Variants in FOXD4 observed in about 807,000 individuals in gnomAD.
The protein encoded by FOXD4 is forkhead box D4, also known as forkhead box protein D4.
FOXD4 carries 22 observed loss-of-function variants against 26.5 expected under a neutral mutation model. That is an observed-to-expected ratio of 0.83 (90% confidence interval 0.59 to 1.18). FOXD4 has a LOEUF of 1.18. Among genes scored for constraint, FOXD4 ranks in the 50% most tolerant of loss-of-function variants. The pLI, the probability that FOXD4 is intolerant of heterozygous loss-of-function variation, is 0.00. For missense variants in FOXD4, 625 were observed against 605.8 expected, an observed-to-expected ratio of 1.03 and a Z score of -0.33; for synonymous variants, 258 against 273.7, an observed-to-expected ratio of 0.94 and a Z score of 0.57.
rs763686353 is a variant in FOXD4 at position 116,920 on chromosome 9, C to T, written c.1200G>A (p.Ala400=). The T allele has an allele frequency of 1.4e-5, 23 of 1,611,012 alleles. No homozygotes were observed. The highest frequency in any genetic ancestry group is 2.7e-5 in the African/African-American group (2 of 74,848). Residue 400 remains alanine (A), a synonymous_variant, in exon 1 of 1, where the codon GCG becomes GCA. Transcript: ENST00000382500. ...SAASALLRYQ[A]VAEGSGLTSL... The stretch of plus-strand genomic sequence containing the variant: ...ATGTCAGCCCAGAGCCCTCTGCCAC[C>T]GCCTGATACCGCAGCAGCGCCGACG...
Position 116,460 on chromosome 9 carries a change from A to C in FOXD4, c.*340T>G. On this transcript the variant is annotated 3_prime_UTR_variant, in exon 1 of 1. Transcript: ENST00000382500. ...GTTCCAAGGAAGTGAAGAAGGGGGA[A>C]CATGTTTGGCATCGGAGGCTGTGTT... The C allele has an allele frequency of 2.3e-6, 1 of 436,378 alleles. No homozygotes were observed. The allele number at this position is 436,378 out of a possible 1,614,324, so 27.0% of individuals were successfully genotyped here.
Position 116,431 on chromosome 9 carries a change from T to C in FOXD4, c.*369A>G. ...TTGCACTAGACTTAGGAATAATACT[T>C]CCAGTTCCAAGGAAGTGAAGAAGGG... On this transcript the variant is annotated 3_prime_UTR_variant, in exon 1 of 1. Coordinates refer to ENST00000382500, the MANE Select transcript of FOXD4 (RefSeq NM_207305.5). 1 of 373,472 alleles carries C rather than the reference T, an allele frequency of 2.7e-6. No individual in the cohort carries two copies. The highest frequency in any genetic ancestry group is 5.2e-6 in the Non-Finnish European group (1 of 193,908). The allele number at this position is 373,472 out of a possible 1,614,324, so 23.1% of individuals were successfully genotyped here.
chr9:118,147 G>T lies in FOXD4; in HGVS notation c.-28C>A, dbSNP rs916158267. ...CGGAGCAGGTGCTTCAGTCGCAGGG[G>T]ATGTGGCGGCCGGATCACCTGGCCC... is the stretch of plus-strand genomic sequence containing the variant. On this transcript the variant is annotated 5_prime_UTR_variant, in exon 1 of 1. Transcript: ENST00000382500. 1.9e-6 allele frequency: 3 copies of T among 1,605,686 alleles called. No homozygotes were observed. In the East Asian group the frequency reaches 6.8e-5, roughly 36 times the overall value.
rs201298466 is a variant in FOXD4, at chr9:117,125, T to G, written c.995A>C (p.Glu332Ala). 3.7e-4 allele frequency: 595 copies of G among 1,611,770 alleles called. 2 individuals carry two copies. In the South Asian group the frequency reaches 4.0e-3, roughly 11 times the overall value. ...AACTCTGCGCAGCCCCTGTACCCGC[T>G]CCCCTGACCCCTTGCATGATACTCT... ...ALRVSCKGSG[E>A]RVQGLRRVCP... is the part of the protein sequence containing the mutation. The change falls in exon 1 of 1, where the codon GAG becomes GCG. Residue 332 changes from glutamate to alanine, a missense_variant. This residue lies in a region of FOXD4 where 92 missense variants were observed against 144.2 expected (regional missense o/e 0.64). Coordinates refer to ENST00000382500, the MANE Select transcript of FOXD4 (RefSeq NM_207305.5).
chr9:118,332 G>A lies in FOXD4; in HGVS notation c.-213C>T. 1.1e-6 allele frequency: 1 copy of A among 938,830 alleles called. No individual in the cohort carries two copies. Among genetic ancestry groups the A allele is most frequent in the South Asian group, 1.7e-5 (1 of 57,876 alleles). 58.2% of individuals were successfully genotyped at this position (938,830 alleles called of 1,614,324 possible). A position where few individuals can be genotyped will look rare whatever the true frequency, so the allele number is the denominator to read the frequency against. ...TAAAAGCTTCTTCAAGACCATGTGT[G>A]GTGGACGCCTCCCTTTATAACCCTT... On this transcript the variant is annotated 5_prime_UTR_variant, in exon 1 of 1. Transcript: ENST00000382500.
In FOXD4 at chr9:117,655, G is replaced by A; in HGVS notation, c.465C>T (p.Asn155=). The A allele has an allele frequency of 6.2e-7, 1 of 1,613,760 alleles. No individual in the cohort carries two copies. The change falls in exon 1 of 1, where the codon AAC becomes AAT. Residue 155 remains asparagine (N), a synonymous_variant. Transcript: ENST00000382500. ...TGACGAAGCAGTCGTTCAGCGAGAG[G>A]TTGTGGCGGATGCTGTTCTGCCAGG... The part of the protein sequence containing the change: ...FPAWQNSIRH[N]LSLNDCFVKI...
rs774901632 is a variant in FOXD4 at position 116,964 on chromosome 9, C to T, written c.1156G>A (p.Gly386Ser). The change falls in exon 1 of 1, where the codon GGC becomes AGC. Residue 386 changes from glycine to serine, a missense_variant. Transcript: ENST00000382500. ...GCAPTKGAVLGGHLSAASALL... is the reference protein window; with the variant it reads ...GCAPTKGAVLSGHLSAASALL... Reference sequence around the variant, plus strand: ...GCCGACGCGGCCGACAGGTGCCCGCCCAGCACCGCGCCCTTGGTGGGAGCG... The same window carrying T: ...GCCGACGCGGCCGACAGGTGCCCGCTCAGCACCGCGCCCTTGGTGGGAGCG... 51 of 1,611,898 alleles carry T rather than the reference C, an allele frequency of 3.2e-5. No homozygotes were observed. The African/African-American group carries it at 5.2e-4, about 16-fold the overall frequency.
Position 117,593 on chromosome 9 carries a change from T to G in FOXD4, c.527A>C (p.Asn176Thr), listed in dbSNP as rs1328575580. 3 of 1,613,740 alleles carry G rather than the reference T, an allele frequency of 1.9e-6. No homozygotes were observed. Among genetic ancestry groups the G allele is most frequent in the South Asian group, 1.1e-5 (1 of 91,064 alleles). ...PREPGRPGKG[N>T]YWSLDPASQD... ...GGAGGCGGGGTCCAGGCTCCAGTAG[T>G]TGCCCTTGCCTGGGCGGCCCGGCTC... The change falls in exon 1 of 1, where the codon AAC becomes ACC. Residue 176 changes from asparagine to threonine, a missense_variant. Around this residue, in one of 3 missense-constraint regions of FOXD4, gnomAD observed 399 missense variants for 329.4 expected, o/e 1.21. Coordinates refer to ENST00000382500, the MANE Select transcript of FOXD4 (RefSeq NM_207305.5).
In FOXD4 at chr9:117,833, G is replaced by A. The variant is rs1819410851; in HGVS notation, c.287C>T (p.Ser96Phe). Residue 96 changes from serine (S) to phenylalanine (F), a missense_variant, in exon 1 of 1, where the codon TCT (serine) becomes TTT (phenylalanine). By Grantham distance (155) the Ser-to-Phe change is radical. This residue lies in a region of FOXD4 where 399 missense variants were observed against 329.4 expected (regional missense o/e 1.21). Transcript: ENST00000382500. Reference sequence around the variant, plus strand: ...CTTTGCCGGCTGCCGGGCATCTTCAGAGGCCGCCGCAGACCTTGGCGGTGC... The same window carrying A: ...CTTTGCCGGCTGCCGGGCATCTTCAAAGGCCGCCGCAGACCTTGGCGGTGC... ...FRAPPRSAAA[S>F]EDARQPAKPP... 1 of 1,612,478 alleles carries A rather than the reference G, an allele frequency of 6.2e-7. No individual in the cohort carries two copies. Among genetic ancestry groups the A allele is most frequent in the African/African-American group, 1.3e-5 (1 of 74,854 alleles).
rs1819366689 is a variant in FOXD4 at position 116,770 on chromosome 9, C to T, written c.*30G>A. The T allele has an allele frequency of 6.4e-7, 1 of 1,568,818 alleles. No individual in the cohort carries two copies. On this transcript the variant is annotated 3_prime_UTR_variant, in exon 1 of 1. Coordinates refer to ENST00000382500, the MANE Select transcript of FOXD4 (RefSeq NM_207305.5). ...GGGCCGCGCAAGGTGGAGTGAGCAG[C>T]TGCGGGTCGCTCCCCACTCCCACCT...
chr9:118,129 G>T lies in FOXD4; in HGVS notation c.-10C>A. 6.2e-7 allele frequency: 1 copy of T among 1,611,804 alleles called. No individual in the cohort carries two copies. The highest frequency in any genetic ancestry group is 1.3e-5 in the African/African-American group (1 of 74,928). On this transcript the variant is annotated 5_prime_UTR_variant, in exon 1 of 1. The change creates a new upstream start codon in the 5' untranslated region. Coordinates refer to ENST00000382500, the MANE Select transcript of FOXD4 (RefSeq NM_207305.5). ...CTCTTGGCAAGTTCATGGCGGAGCA[G>T]GTGCTTCAGTCGCAGGGGATGTGGC...
chr9:117,664 G>A lies in FOXD4; in HGVS notation c.456C>T (p.Ile152=). 1 of 1,613,688 alleles carries A rather than the reference G, an allele frequency of 6.2e-7. No individual in the cohort carries two copies. The highest frequency in any genetic ancestry group is 8.5e-7 in the Non-Finnish European group (1 of 1,179,948). The change falls in exon 1 of 1, where the codon ATC becomes ATT. Residue 152 remains isoleucine (I), a synonymous_variant. Coordinates refer to ENST00000382500, the MANE Select transcript of FOXD4 (RefSeq NM_207305.5). ...RRKFPAWQNS[I]RHNLSLNDCF... ...AGTCGTTCAGCGAGAGGTTGTGGCG[G>A]ATGCTGTTCTGCCAGGCGGGGAACT...
chr9:118,215 C>T lies in FOXD4; in HGVS notation c.-96G>A. 4 of 1,608,326 alleles carry T rather than the reference C, an allele frequency of 2.5e-6. No homozygotes were observed. Among genetic ancestry groups the T allele is most frequent in the Non-Finnish European group, 3.4e-6 (4 of 1,177,872 alleles). ...AGCCCGGGATGAATGTTGCAAGAAG[C>T]AGGAACGCTAGTGGTTACCCTTTGG... On this transcript the variant is annotated 5_prime_UTR_variant, in exon 1 of 1. Coordinates refer to ENST00000382500, the MANE Select transcript of FOXD4 (RefSeq NM_207305.5).
At position 117,958 on chromosome 9, in the gene FOXD4, C is replaced by G. The variant is rs200330466; in HGVS notation, c.162G>C (p.Gly54=). 1.1e-5 allele frequency: 18 copies of G among 1,611,842 alleles called. No individual in the cohort carries two copies. The highest frequency in any genetic ancestry group is 2.7e-5 in the African/African-American group (2 of 74,852). The stretch of plus-strand genomic sequence containing the variant: ...CCCCGCCCCACCGGGCCACCTGCAG[C>G]CCCGGCTGGAGCGACTGCTCTAGGA... The part of the protein sequence containing the change: ...QQFLEQSLQP[G]LQVARWGGVA... The change falls in exon 1 of 1, where the codon GGG becomes GGC. Residue 54 remains glycine (G), a synonymous_variant. Coordinates refer to ENST00000382500, the MANE Select transcript of FOXD4 (RefSeq NM_207305.5).
chr9:117,615 G>T lies in FOXD4; in HGVS notation c.505C>A (p.Pro169Thr). The change falls in exon 1 of 1, where the codon CCG becomes ACG. Residue 169 changes from proline (P) to threonine (T), a missense_variant. By Grantham distance (38) the Pro-to-Thr change is conservative (BLOSUM62 -1). Around this residue, in one of 3 missense-constraint regions of FOXD4, gnomAD observed 399 missense variants for 329.4 expected, o/e 1.21. Transcript: ENST00000382500. ...TAGTTGCCCTTGCCTGGGCGGCCCG[G>T]CTCGCGGGGGATCTTGACGAAGCAG... ...NDCFVKIPRE[P>T]GRPGKGNYWS... 6.2e-7 allele frequency: 1 copy of T among 1,613,960 alleles called. No homozygotes were observed. Among genetic ancestry groups the T allele is most frequent in the Non-Finnish European group, 8.5e-7 (1 of 1,180,048 alleles).
chr9:116,760 G>C lies in FOXD4; in HGVS notation c.*40C>G. On this transcript the variant is annotated 3_prime_UTR_variant, in exon 1 of 1. Transcript: ENST00000382500. ...CGCCCAGTATGGGCCGCGCAAGGTG[G>C]AGTGAGCAGCTGCGGGTCGCTCCCC... 1 of 1,556,040 alleles carries C rather than the reference G, an allele frequency of 6.4e-7. No individual in the cohort carries two copies. The highest frequency in any genetic ancestry group is 8.7e-7 in the Non-Finnish European group (1 of 1,152,772).
At position 117,485 on chromosome 9, in the gene FOXD4, G is replaced by A. The variant is rs146643280; in HGVS notation, c.635C>T (p.Pro212Leu). 1.2e-6 allele frequency: 2 copies of A among 1,609,368 alleles called. No individual in the cohort carries two copies. Among genetic ancestry groups the A allele is most frequent in the Non-Finnish European group, 1.7e-6 (2 of 1,179,732 alleles). The change falls in exon 1 of 1, where the codon CCC becomes CTC. Residue 212 changes from proline to leucine, a missense_variant. By Grantham distance (98) the Pro-to-Leu change is moderately conservative (BLOSUM62 -3). Transcript: ENST00000382500. ...RHQPTPGAHL[P>L]HPFPLPAAHA... is the part of the protein sequence containing the mutation. ...TGCAGCAGGTAGAGGGAAGGGGTGG[G>A]GCAGGTGGGCTCCCGGGGTCGGTTG...
rs778775744 is a variant in FOXD4 at position 116,984 on chromosome 9, G to A, written c.1136C>T (p.Pro379Leu). The change falls in exon 1 of 1, where the codon CCC (proline) becomes CTC (leucine). Residue 379 changes from proline to leucine, a missense_variant. Around this residue, in one of 3 missense-constraint regions of FOXD4, gnomAD observed 134 missense variants for 132.2 expected, o/e 1.01. Coordinates refer to ENST00000382500, the MANE Select transcript of FOXD4 (RefSeq NM_207305.5). Reference sequence around the variant, plus strand: ...CCCGCCCAGCACCGCGCCCTTGGTGGGAGCGCAGCCGTTGGCGCAGTCCTC... The same window carrying A: ...CCCGCCCAGCACCGCGCCCTTGGTGAGAGCGCAGCCGTTGGCGCAGTCCTC... ...QEEDCANGCA[P>L]TKGAVLGGHL... is the part of the protein sequence containing the mutation. 1 of 1,612,000 alleles carries A rather than the reference G, an allele frequency of 6.2e-7. No individual in the cohort carries two copies. The highest frequency in any genetic ancestry group is 1.1e-5 in the South Asian group (1 of 90,996).
chr9:116,806 G>A lies in FOXD4; in HGVS notation c.1314C>T (p.Pro438=). 1.3e-6 allele frequency: 2 copies of A among 1,596,352 alleles called. No homozygotes were observed. Among genetic ancestry groups the A allele is most frequent in the South Asian group, 1.1e-5 (1 of 88,928 alleles). The part of the protein sequence containing the change: ...TPSSLAESAG[P]S ...TCCCCACTCCCACCTGGCTCTAGGA[G>A]GGCCCTGCGGACTCGGCCAGGGAAC... Residue 438 remains proline (P), a synonymous_variant, in exon 1 of 1, where the codon CCC becomes CCT. Transcript: ENST00000382500.
Sources: allele counts gnomAD v4.1 joint callset, GRCh38; gene constraint gnomAD v4.1.1; regional missense constraint gnomAD v4.1.1; transcripts MANE v1.5; gene names NCBI Gene and HGNC (gene_info 2026-07-23, HGNC 2026-07-21).